The following KSR2 variants were observed in gnomAD, a reference collection of about 807,000 sequenced individuals.
KSR2 encodes the protein kinase suppressor of ras 2.
Under a neutral mutation model 107.8 loss-of-function variants are expected in KSR2, and 25 were observed. That is an observed-to-expected ratio of 0.23 (90% CI 0.17 to 0.32). The LOEUF is 0.32. Ranked by LOEUF, KSR2 falls within the 10% of genes least tolerant of loss-of-function variation. The pLI is 1.00. For synonymous variants in KSR2, 480 were observed against 507.0 expected (o/e 0.95, Z 0.71); for missense variants, 887 against 1,268.9 (o/e 0.70, Z 4.57).
At position 117,869,464 on chromosome 12, in the gene KSR2, T is replaced by C. The variant is rs114007064; in HGVS notation, c.181-9033A>G. Among the ~76,000 whole-genome samples the C allele has an allele frequency of 4.9e-3, 742 of 152,282 alleles. 13 individuals are homozygous for C. Among genetic ancestry groups the C allele is most frequent in the African/African-American group, 0.017 (709 of 41,560 alleles). Reference sequence around the variant, plus strand: ...GAATGCAGATCCCCATCCCTGGAGGTAGAGCGGGTAATCACTGAGACTAGT... The same window carrying C: ...GAATGCAGATCCCCATCCCTGGAGGCAGAGCGGGTAATCACTGAGACTAGT... On this transcript the variant is annotated intron_variant, in intron 1 of 19. Coordinates refer to ENST00000339824, the MANE Select transcript of KSR2 (RefSeq NM_173598.6).
intron 7 of KSR2, among the ~76,000 whole-genome samples, chr12:117,570,953 T>C (rs1878851202): frequency 6.6e-6 from 1 of 151,834 alleles, no homozygotes; most frequent in Non-Finnish European, 1.5e-5. Context: ...ATTGAGGGAG[T>C]ATGCTCAGAA....
Position 117,804,508 on chromosome 12 carries a change from G to C in KSR2, c.473-42984C>G, listed in dbSNP as rs144808218. On this transcript the variant is annotated intron_variant, in intron 3 of 19. Transcript: ENST00000339824. ...TGCCAGCAAGTTTAGATTCCACCTGGAGACCCTACACTGAATACCCAGTAA... is the reference window on the plus strand; with the variant it reads ...TGCCAGCAAGTTTAGATTCCACCTGCAGACCCTACACTGAATACCCAGTAA... 8.4e-3 allele frequency among the ~76,000 whole-genome samples: 1,283 copies of C among 152,116 alleles called. 25 individuals carry two copies. The highest frequency in any genetic ancestry group is 0.03 in the African/African-American group (1,241 of 41,484).
chr12:117,709,946 G>A (rs1190167217), intron 4 of KSR2, among the ~76,000 whole-genome samples: 2 of 121,042 alleles, frequency 1.7e-5, no homozygotes, highest in South Asian at 2.7e-4. Context: ...GATACTAAGC[G>A]CACTTGATTG....
rs141238987 is a variant in KSR2, at chr12:117,885,032, G to A, written c.181-24601C>T. Reference sequence around the variant, plus strand: ...CAGAGGAGGGAGCACAGATCAAGCCGAATATCCTTGGATATGTTACTTCAC... The same window carrying A: ...CAGAGGAGGGAGCACAGATCAAGCCAAATATCCTTGGATATGTTACTTCAC... On this transcript the variant is annotated intron_variant, in intron 1 of 19. Transcript: ENST00000339824. Among the ~76,000 whole-genome samples the A allele has an allele frequency of 1.5e-3, 223 of 152,188 alleles. 1 individual carries two copies. Among genetic ancestry groups the A allele is most frequent in the African/African-American group, 4.9e-3 (204 of 41,532 alleles).
At chr12:117,554,818 A>T (rs1268422805) in intron 9 of KSR2, among the ~76,000 whole-genome samples, 3 of 152,190 alleles carry the variant, frequency 2.0e-5, no homozygotes, top group African/African-American at 4.8e-5. Context: ...AGCAGCATGA[A>T]ACAGACTAAT....
At chr12:117,532,075 C>T (rs1048732112) in intron 10 of KSR2, among the ~76,000 whole-genome samples, 1 of 152,196 alleles carries the variant, frequency 6.6e-6, no homozygotes, top group African/African-American at 2.4e-5. Context: ...AGAATGATTA[C>T]AGTGGCTTAA....
At chr12:117,599,721 A>C (rs1173556906) in intron 5 of KSR2, among the ~76,000 whole-genome samples, 1 of 152,168 alleles carries the variant, frequency 6.6e-6, no homozygotes, top group African/African-American at 2.4e-5. Flanking sequence ...ATTTCCCCAG[A>C]CTGAAAACCA....
At chr12:117,931,499 T>TGTGCCA (rs1314769998) in intron 1 of KSR2, among the ~76,000 whole-genome samples, 3 of 152,070 alleles carry the variant, frequency 2.0e-5, no homozygotes, top group Non-Finnish European at 2.9e-5. Context: ...CAATCTTGAG[T>TGTGCCA]CAAGACTGCC....
At chr12:117,875,972 T>C (rs1893835148) in intron 1 of KSR2, among the ~76,000 whole-genome samples, 1 of 152,216 alleles carries the variant, frequency 6.6e-6, no homozygotes, top group African/African-American at 2.4e-5. Context: ...CAATACATTT[T>C]TCTTGGTCTT....
chr12:117,732,298 T>C (rs1187225140), intron 4 of KSR2, among the ~76,000 whole-genome samples: 1 of 152,030 alleles, frequency 6.6e-6, no homozygotes, highest in Non-Finnish European at 1.5e-5. Flanking sequence ...TTTTTTCTTT[T>C]TTTTTTTTGA....
intron 4 of KSR2, among the ~76,000 whole-genome samples, chr12:117,710,748 C>T (rs943158599): frequency 6.6e-6 from 1 of 152,088 alleles, no homozygotes; most frequent in Non-Finnish European, 1.5e-5. Flanking sequence ...GTTAAATAAA[C>T]GGTCAGTACT....
intron 3 of KSR2, among the ~76,000 whole-genome samples, chr12:117,805,323 G>T (rs1890974000): frequency 6.6e-6 from 1 of 152,198 alleles, no homozygotes; most frequent in African/African-American, 2.4e-5. Context: ...AGACACACAG[G>T]TGTGGCCTTC....
chr12:117,726,822 G>A (rs1887442957), intron 4 of KSR2, among the ~76,000 whole-genome samples: 2 of 152,068 alleles, frequency 1.3e-5, no homozygotes, highest in African/African-American at 4.8e-5. Flanking sequence ...AGAGAAATGA[G>A]AATATATTTC....
At chr12:117,715,397 G>A (rs375161528) in intron 4 of KSR2, among the ~76,000 whole-genome samples, 1 of 152,216 alleles carries the variant, frequency 6.6e-6, no homozygotes, top group South Asian at 2.1e-4. Context: ...CCCCATTTCA[G>A]CTGCCTGTGA....
intron 1 of KSR2, among the ~76,000 whole-genome samples, chr12:117,939,944 AACACACACACACACACACACACACACAC>A (rs10561468): frequency 7.1e-6 from 1 of 140,070 alleles, no homozygotes; most frequent in East Asian, 2.1e-4. Context: ...CCATCTTAAA[AACACACACACACACACACACACACACAC>A]ACACACACAC....
intron 7 of KSR2, among the ~76,000 whole-genome samples, chr12:117,571,363 C>T (rs186954842): frequency 4.6e-5 from 7 of 152,160 alleles, no homozygotes; most frequent in African/African-American, 1.7e-4. Context: ...TCAGCCTCAT[C>T]CCATGGGGAT....
intron 5 of KSR2, among the ~76,000 whole-genome samples, chr12:117,650,299 T>A (rs1367060968): frequency 2.6e-5 from 4 of 152,206 alleles, no homozygotes; most frequent in Non-Finnish European, 5.9e-5. Context: ...TCCAAGTTCT[T>A]CAGTTTTGGG....
At position 117,464,967 on chromosome 12, in the gene KSR2, G is replaced by C. The variant is rs1274147363; in HGVS notation, c.*2232C>G. ...AATTCTGGAAACAAGAGAGGCAAGA[G>C]TGAGAAGGTGCCAGTTCTTGTGGAC... On this transcript the variant is annotated 3_prime_UTR_variant, in exon 20 of 20. Transcript: ENST00000339824. 1 of 152,306 alleles carries C rather than the reference G, an allele frequency of 6.6e-6. No individual in the cohort carries two copies. Among genetic ancestry groups the C allele is most frequent in the Non-Finnish European group, 1.5e-5 (1 of 68,090 alleles). 9.4% of individuals were successfully genotyped at this position (152,306 alleles called of 1,614,324 possible).
intron 3 of KSR2, among the ~76,000 whole-genome samples, chr12:117,769,461 T>C (rs1889358581): frequency 1.3e-5 from 2 of 152,206 alleles, no homozygotes; most frequent in African/African-American, 4.8e-5. Context: ...GAGTTAATTC[T>C]CCTAAGTCAA....
Sources: gnomAD v4.1 joint callset for allele counts (sites outside exome capture counted in the v4.1 genomes callset) on GRCh38, gnomAD v4.1.1 for gene constraint, MANE v1.5 for transcripts, NCBI Gene and HGNC (gene_info 2026-07-23, HGNC 2026-07-21) for gene names.